The following IFNLR1 variants were observed in gnomAD, a reference collection of about 807,000 sequenced individuals.
IFNLR1 encodes the protein CRF2-12.
IFNLR1 carries 28 observed loss-of-function variants against 52.5 expected under a neutral mutation model. The ratio of observed to expected loss-of-function variants is 0.53; its 90% CI spans 0.40 to 0.73. IFNLR1 has a LOEUF of 0.73. Ranked by LOEUF, IFNLR1 falls within the 30% of genes least tolerant of loss-of-function variation. The probability of loss-of-function intolerance (pLI) is 0.00; values close to 1 mark genes in which losing one functional copy is unlikely to be tolerated. For synonymous variants in IFNLR1, 276 were observed against 274.9 expected, an observed-to-expected ratio of 1.00 and a Z score of -0.04; for missense variants, 623 against 659.1, an observed-to-expected ratio of 0.95 and a Z score of 0.60.
At chr1:24,171,696 A>T (rs1028610027) in intron 2 of IFNLR1, among the ~76,000 whole-genome samples, 1 of 151,186 alleles carries the variant, frequency 6.6e-6, no homozygotes, top group Non-Finnish European at 1.5e-5. Context: ...TCGCTCTGTC[A>T]TCCAGGCTGG....
At chr1:24,165,253 T>G (rs1196047519) in intron 3 of IFNLR1, among the ~76,000 whole-genome samples, 1 of 152,212 alleles carries the variant, frequency 6.6e-6, no homozygotes, top group Non-Finnish European at 1.5e-5. Context: ...AGCATTCAAA[T>G]TCATCATTTA....
intron 3 of IFNLR1, among the ~76,000 whole-genome samples, chr1:24,162,919 TTC>T (rs1644477844): frequency 1.3e-5 from 1 of 75,358 alleles, no homozygotes; most frequent in Non-Finnish European, 2.5e-5. Context: ...TTCCTTCCTT[TTC>T]TTTCTTTTCT....
At chr1:24,176,850 G>C (rs147176578) in intron 2 of IFNLR1, among the ~76,000 whole-genome samples, 3 of 152,220 alleles carry the variant, frequency 2.0e-5, no homozygotes, top group Non-Finnish European at 4.4e-5. Flanking sequence ...GGGCTCAAGC[G>C]ATCCTCCTAC....
chr1:24,160,062 C>T (rs1345890415), intron 4 of IFNLR1, among the ~76,000 whole-genome samples: 2 of 152,218 alleles, frequency 1.3e-5, no homozygotes, highest in Non-Finnish European at 2.9e-5. Flanking sequence ...CTTCCCAAGA[C>T]TACCTGAGTT....
At chr1:24,178,709 C>T (rs1557652104) in intron 2 of IFNLR1, among the ~76,000 whole-genome samples, 1 of 152,064 alleles carries the variant, frequency 6.6e-6, no homozygotes. Flanking sequence ...AACTAGCAAT[C>T]ACCTTTGGGA....
intron 3 of IFNLR1, 32 bp from the exon 4 acceptor site, chr1:24,161,716 C>T: frequency 6.9e-7 from 1 of 1,456,090 alleles, no homozygotes; most frequent in East Asian, 2.5e-5. Flanking sequence ...TGTCAGTAAT[C>T]CCGAGGGGCC....
At chr1:24,169,223 T>G (rs1311367190) in intron 3 of IFNLR1, among the ~76,000 whole-genome samples, 194 bp downstream of exon 3, 1 of 152,200 alleles carries the variant, frequency 6.6e-6, no homozygotes, top group East Asian at 1.9e-4. Context: ...CCTAACTCCC[T>G]GACAGGCTGC....
chr1:24,187,124 C>T (rs976422721), intron 1 of IFNLR1, 67 bp downstream of exon 1: 1 of 1,117,434 alleles, frequency 8.9e-7, no homozygotes, highest in East Asian at 3.2e-5. Context: ...GCTCCGGGTC[C>T]GAGGGTAGGC....
Position 24,156,531 on chromosome 1 carries a change from G to GC in IFNLR1, c.*598_*599insG, listed in dbSNP as rs1644380284. The GC allele has an allele frequency of 6.6e-6, 1 of 152,464 alleles. No homozygotes were observed. The highest frequency in any genetic ancestry group is 6.5e-5 in the Admixed American group (1 of 15,292). The allele number at this position is 152,464 out of a possible 1,614,324, so 9.4% of individuals were successfully genotyped here. A position where few individuals can be genotyped will look rare whatever the true frequency, so the allele number is the denominator to read the frequency against. On this transcript the variant is annotated 3_prime_UTR_variant, in exon 7 of 7. Transcript: ENST00000327535. ...AGAGCTGGGATTTGAACCCCGGTCT[G>GC]TCTGACACTAAAACCGTACAGTGCC...
intron 2 of IFNLR1, 38 bp downstream of exon 2, chr1:24,180,693 C>CCCCT: frequency 7.1e-7 from 1 of 1,409,330 alleles, no homozygotes; most frequent in Non-Finnish European, 9.8e-7. Context: ...CCCACCCCCT[C>CCCCT]AGTCTTCCCA....
chr1:24,166,230 C>T (rs1644518568), intron 3 of IFNLR1, among the ~76,000 whole-genome samples: 1 of 151,420 alleles, frequency 6.6e-6, no homozygotes, highest in Non-Finnish European at 1.5e-5. Context: ...TCCCAACCAC[C>T]CTTTCTTCTC....
chr1:24,174,803 A>G (rs6659193), intron 2 of IFNLR1, among the ~76,000 whole-genome samples: 14,750 of 152,150 alleles, frequency 0.097, 1,968 homozygotes, highest in African/African-American at 0.3. Context: ...ATATATGAAA[A>G]GAATTGGTAA....
In IFNLR1 at chr1:24,176,850, G is replaced by A. The variant is rs147176578; in HGVS notation, c.182+3881C>T. The stretch of plus-strand genomic sequence containing the variant: ...TGGTCTCAAACTCTTGGGCTCAAGC[G>A]ATCCTCCTACCTATGCCTCACAAAG... On this transcript the variant is annotated intron_variant, in intron 2 of 6. Coordinates refer to ENST00000327535, the MANE Select transcript of IFNLR1 (RefSeq NM_170743.4). 7.0e-4 allele frequency among the ~76,000 whole-genome samples: 106 copies of A among 152,102 alleles called. 8 individuals are homozygous for A.
intron 2 of IFNLR1, among the ~76,000 whole-genome samples, chr1:24,176,813 T>C (rs1382040484): frequency 3.3e-5 from 5 of 152,182 alleles, no homozygotes; most frequent in African/African-American, 4.8e-5. Flanking sequence ...GGCCTCACCA[T>C]GTTGCCCAGG....
chr1:24,157,564 T>C lies in IFNLR1; in HGVS notation c.1129A>G (p.Ser377Gly). 6.2e-7 allele frequency: 1 copy of C among 1,612,226 alleles called. No homozygotes were observed. The highest frequency in any genetic ancestry group is 8.5e-7 in the Non-Finnish European group (1 of 1,179,188). ...GAATCCCAAGCAGAGGAGCCTTCGC[T>C]TGGGACCAGAGGAGCCCTGGGCCTC... ...SGRPRAPLVPSEGSSAWDSSD... is the reference protein window; with the variant it reads ...SGRPRAPLVPGEGSSAWDSSD... The change falls in exon 7 of 7, where the codon AGC becomes GGC. Residue 377 changes from serine to glycine, a missense_variant. Coordinates refer to ENST00000327535, the MANE Select transcript of IFNLR1 (RefSeq NM_170743.4). The surrounding 1 kb of genome is among the most constrained non-coding windows in gnomAD (Gnocchi z 5.1).
At position 24,187,183 on chromosome 1, in the gene IFNLR1, G is replaced by A. The variant is rs989100062; in HGVS notation, c.58+8C>T. Reference sequence around the variant, plus strand: ...TTCCCCCTCCCTCCCGCGGCCCCGCGCCCTTACCTGGAGCGGCCTGCAGCA... The same window carrying A: ...TTCCCCCTCCCTCCCGCGGCCCCGCACCCTTACCTGGAGCGGCCTGCAGCA... On this transcript the variant is annotated splice_region_variant and intron_variant, in intron 1 of 6. Coordinates refer to ENST00000327535, the MANE Select transcript of IFNLR1 (RefSeq NM_170743.4). 11 of 1,356,982 alleles carry A rather than the reference G, an allele frequency of 8.1e-6. No individual in the cohort carries two copies. The highest frequency in any genetic ancestry group is 2.7e-4 in the Middle Eastern group (1 of 3,690). The allele number at this position is 1,356,982 out of a possible 1,614,324, so 84.1% of individuals were successfully genotyped here.
intron 2 of IFNLR1, among the ~76,000 whole-genome samples, chr1:24,180,510 C>A (rs377491949): frequency 2.0e-5 from 3 of 152,128 alleles, no homozygotes; most frequent in African/African-American, 7.2e-5. Flanking sequence ...CCCGCCCCGG[C>A]AGACTGGTCA....
chr1:24,159,093 C>T lies in IFNLR1; in HGVS notation c.760G>A (p.Gly254Arg). ...TTTGCCCGCTGAAACCAGGGGTTCC[C>T]CATGAGGGTCTTCCAGATCACACCC... ...AGGVIWKTLMGNPWFQRAKMP... is the reference protein window; with the variant it reads ...AGGVIWKTLMRNPWFQRAKMP... Residue 254 changes from glycine (G) to arginine (R), a missense_variant, in exon 6 of 7, where the codon GGG (glycine) becomes AGG (arginine). Transcript: ENST00000327535. The T allele has an allele frequency of 6.2e-7, 1 of 1,614,112 alleles. No homozygotes were observed.
At chr1:24,159,737 G>GTTTTTTT (rs79165037) in intron 4 of IFNLR1, 104 bp from the exon 5 acceptor site, 1 of 360,982 alleles carries the variant, frequency 2.8e-6, no homozygotes, top group Non-Finnish European at 4.2e-6. Flanking sequence ...TTTTTTTTTT[G>GTTTTTTT]TTTTTTTTTT....
Sources: gnomAD v4.1 joint callset for allele counts (sites outside exome capture counted in the v4.1 genomes callset) on GRCh38, gnomAD v4.1.1 for gene constraint, Gnocchi (gnomAD v3.1) non-coding constraint, MANE v1.5 for transcripts, NCBI Gene and HGNC (gene_info 2026-07-23, HGNC 2026-07-21) for gene names.